NFATC4: variants seen among roughly 807,000 people sequenced by gnomAD.
NFATC4 encodes the protein nuclear factor of activated T-cells, cytoplasmic 4.
NFATC4 carries 25 observed loss-of-function variants against 73.4 expected under a neutral mutation model. The ratio of observed to expected loss-of-function variants is 0.34; its 90% CI spans 0.25 to 0.48. NFATC4 has a LOEUF of 0.48. NFATC4 is among the 20% of genes least tolerant of loss of function. The probability of loss-of-function intolerance (pLI) is 0.99; values close to 1 mark genes in which losing one functional copy is unlikely to be tolerated. For missense variants in NFATC4, 1,130 were observed against 1,203.7 expected (o/e 0.94, Z 0.91); for synonymous variants, 523 against 510.3 (o/e 1.02, Z -0.34).
At chr14:24,374,097 T>A in intron 5 of NFATC4, 1 of 888,780 alleles carries the variant, frequency 1.1e-6, no homozygotes, top group Non-Finnish European at 1.8e-6. Context: ...CCCTGTGCCC[T>A]TGTTTGGGAA....
chr14:24,369,920 C>T lies in NFATC4; in HGVS notation c.522C>T (p.Ser174=), dbSNP rs143052500. The part of the protein sequence containing the change: ...GAFFSPSPGS[S]SLSSWSFFSD... ...TCTTCAGCCCAAGCCCTGGCAGCAGCAGCCTGTCCTCGTGGAGCTTCTTCT... is the reference window on the plus strand; with the variant it reads ...TCTTCAGCCCAAGCCCTGGCAGCAGTAGCCTGTCCTCGTGGAGCTTCTTCT... The change falls in exon 2 of 10, where the codon AGC becomes AGT. Residue 174 remains serine, a synonymous_variant. Transcript: ENST00000250373. 1.2e-6 allele frequency: 2 copies of T among 1,612,676 alleles called. No homozygotes were observed. The highest frequency in any genetic ancestry group is 1.1e-5 in the South Asian group (1 of 91,072).
intron 2 of NFATC4, 125 bp from the exon 3 acceptor site, chr14:24,372,316 A>G: frequency 1.0e-6 from 1 of 998,300 alleles, no homozygotes; most frequent in Non-Finnish European, 1.4e-6. Flanking sequence ...GTGTTAATGT[A>G]CTTCTTTATT....
intron 7 of NFATC4, 93 bp downstream of exon 7, chr14:24,375,808 T>C (rs1399005609): frequency 5.1e-6 from 8 of 1,554,394 alleles, no homozygotes; most frequent in Non-Finnish European, 7.1e-6. Flanking sequence ...GAGTGGACTT[T>C]TCTGGAGGAG....
At chr14:24,371,220 G>C (rs2042464539) in intron 2 of NFATC4, among the ~76,000 whole-genome samples, 1 of 152,212 alleles carries the variant, frequency 6.6e-6, no homozygotes, top group African/African-American at 2.4e-5. Flanking sequence ...GACTGAGCTG[G>C]CTCTGTCCAG....
chr14:24,370,065 C>A lies in NFATC4; in HGVS notation c.667C>A (p.Arg223=). Residue 223 remains arginine, a synonymous_variant, in exon 2 of 10, where the codon CGG becomes AGG. Coordinates refer to ENST00000250373, the MANE Select transcript of NFATC4 (RefSeq NM_004554.5). ...GCTGCCCTCGCCCCGGGCCTCCCCT[C>A]GGCCATGGACCCCCGAAGATCCCTG... ...SPLPSPRASP[R]PWTPEDPWSL... The A allele has an allele frequency of 1.2e-6, 2 of 1,606,844 alleles. No homozygotes were observed. Among genetic ancestry groups the A allele is most frequent in the Non-Finnish European group, 1.7e-6 (2 of 1,179,834 alleles).
chr14:24,373,750 G>T lies in NFATC4; in HGVS notation c.1615G>T (p.Gly539Cys), dbSNP rs2042535877. 5 of 1,613,984 alleles carry T rather than the reference G, an allele frequency of 3.1e-6. No individual in the cohort carries two copies. The South Asian group carries it at 4.4e-5, about 14-fold the overall frequency. The change falls in exon 5 of 10, where the codon GGT becomes TGT. Residue 539 changes from glycine (G) to cysteine (C), a missense_variant. By Grantham distance (159) the Gly-to-Cys change is radical. This residue lies in a region of NFATC4 where 155 missense variants were observed against 221.2 expected (regional missense o/e 0.70). Transcript: ENST00000250373. This position sits in a 1 kb window ranked among gnomAD's most constrained non-coding sequence, Gnocchi z 4.7. ...LRNSDIELRKGETDIGRKNTR... is the reference protein window; with the variant it reads ...LRNSDIELRKCETDIGRKNTR... ...GAATTCAGACATTGAGCTTCGGAAGGGTGAGACGGACATCGGGCGCAAAAA... is the reference window on the plus strand; with the variant it reads ...GAATTCAGACATTGAGCTTCGGAAGTGTGAGACGGACATCGGGCGCAAAAA...
rs756648728 is a variant in NFATC4, at chr14:24,376,318, C to G, written c.2081C>G (p.Pro694Arg). The change falls in exon 9 of 10, where the codon CCG (proline) becomes CGG (arginine). Residue 694 changes from proline (P) to arginine (R), a missense_variant. Pro to Arg is a moderately radical substitution (Grantham distance 103). Transcript: ENST00000250373. This position sits in a 1 kb window ranked among gnomAD's most constrained non-coding sequence, Gnocchi z 5.0. ...GTGATCTGCAAAGAGGAGCCCCTAC[C>G]GGACTCATCTCTGCGGGGTTTCCCT... Reference protein sequence around the residue: ...LPVICKEEPLPDSSLRGFPSA... With the variant: ...LPVICKEEPLRDSSLRGFPSA... 6.3e-7 allele frequency: 1 copy of G among 1,588,312 alleles called. No individual in the cohort carries two copies. The highest frequency in any genetic ancestry group is 8.6e-7 in the Non-Finnish European group (1 of 1,167,368).
Sources: gnomAD v4.1 joint callset for allele counts (sites outside exome capture counted in the v4.1 genomes callset) on GRCh38, gnomAD v4.1.1 for gene constraint, gnomAD v4.1.1 regional missense constraint, Gnocchi (gnomAD v3.1) non-coding constraint, MANE v1.5 for transcripts, NCBI Gene and HGNC (gene_info 2026-07-23, HGNC 2026-07-21) for gene names.